Variants in FIG4 observed in about 807,000 individuals in gnomAD.
The protein encoded by FIG4 is FIG4 phosphoinositide 5-phosphatase.
FIG4 carries 112 observed loss-of-function variants against 118.6 expected under a neutral mutation model. The ratio of observed to expected loss-of-function variants is 0.94; its 90% CI spans 0.81 to 1.11. The LOEUF (loss-of-function observed/expected upper bound fraction) is 1.11, where lower values mean the gene tolerates loss of function less well. Among genes scored for constraint, FIG4 ranks in the 50% least tolerant of loss-of-function variants. FIG4 has a pLI of 0.00. For missense variants in FIG4, 969 were observed against 1,111.7 expected, an observed-to-expected ratio of 0.87 and a Z score of 1.83; for synonymous variants, 369 against 381.2, an observed-to-expected ratio of 0.97 and a Z score of 0.37.
Position 109,741,493 on chromosome 6 carries a change from A to G in FIG4, c.825A>G (p.Arg275=). 6.2e-7 allele frequency: 1 copy of G among 1,613,512 alleles called. No individual in the cohort carries two copies. The highest frequency in any genetic ancestry group is 8.5e-7 in the Non-Finnish European group (1 of 1,179,554). The change falls in exon 8 of 23, where the codon AGA becomes AGG. Residue 275 remains arginine, a synonymous_variant. Transcript: ENST00000230124. ...TGTATGTCACTCTAATAGCTAGAAG[A>G]TCCAGTAAATTTGCTGGCACCCGTT... The part of the protein sequence containing the change: ...RPVYVTLIAR[R]SSKFAGTRFL...
At chr6:109,743,571 A>G in intron 9 of FIG4, 104 bp from the exon 10 acceptor site, 1 of 841,328 alleles carries the variant, frequency 1.2e-6, no homozygotes, top group Admixed American at 1.9e-5. Context: ...GAAACTATTG[A>G]AAGATTAGTT....
In FIG4 at chr6:109,743,543, A is replaced by G. The variant is rs573760231; in HGVS notation, c.1040-132A>G. On this transcript the variant is annotated intron_variant, in intron 9 of 22. Coordinates refer to ENST00000230124, the MANE Select transcript of FIG4 (RefSeq NM_014845.6). ...TGAATAAGTGTCTAGTGAGCATCTT[A>G]AGAAGGATTTGGGAAGTGAAACTAT... The G allele has an allele frequency of 4.0e-6, 3 of 745,408 alleles. No individual in the cohort carries two copies. The South Asian group carries it at 4.4e-5, about 11-fold the overall frequency. 46.2% of individuals were successfully genotyped at this position (745,408 alleles called of 1,614,324 possible). A position where few individuals can be genotyped will look rare whatever the true frequency, so the allele number is the denominator to read the frequency against.
intron 10 of FIG4, among the ~76,000 whole-genome samples, chr6:109,749,691 A>G (rs918506244): frequency 2.6e-5 from 4 of 152,168 alleles, no homozygotes; most frequent in East Asian, 1.9e-4. Flanking sequence ...ATTCATGTCT[A>G]CAATGCTTGA....
rs1304533208 is a variant in FIG4 at position 109,738,868 on chromosome 6, G to A, written c.775+415G>A. 2.0e-5 allele frequency among the ~76,000 whole-genome samples: 3 copies of A among 152,134 alleles called. No individual in the cohort carries two copies. The East Asian group carries it at 5.8e-4, about 29-fold the overall frequency. On this transcript the variant is annotated intron_variant, in intron 7 of 22. Transcript: ENST00000230124. ...GAGATCACAGCCTGGGAAACACTGT[G>A]TGTGTAGAGGTGGAAAAACACATGG... is the stretch of plus-strand genomic sequence containing the variant.
intron 10 of FIG4, among the ~76,000 whole-genome samples, chr6:109,759,200 G>A (rs894319381): frequency 1.3e-5 from 2 of 152,002 alleles, no homozygotes; most frequent in Non-Finnish European, 2.9e-5. Context: ...CCAACCCAAC[G>A]GCCCATCAAT....
intron 10 of FIG4, among the ~76,000 whole-genome samples, chr6:109,743,989 A>G (rs1196098545): frequency 6.6e-6 from 1 of 152,092 alleles, no homozygotes; most frequent in Non-Finnish European, 1.5e-5. Flanking sequence ...AATGAGTAGT[A>G]TATATCTAAG....
In FIG4 at chr6:109,779,571, CTGTT is replaced by C. The variant is rs569052290; in HGVS notation, c.1889+2521_1889+2524del. ...CTCAGTTGATTTAGGTCTCCTTTTT[CTGTT>C]TGTTTGTTTTTCCTCTAGAATGTCA... On this transcript the variant is annotated intron_variant, in intron 16 of 22. Coordinates refer to ENST00000230124, the MANE Select transcript of FIG4 (RefSeq NM_014845.6). 1.2e-3 allele frequency among the ~76,000 whole-genome samples: 186 copies of C among 152,262 alleles called. 1 individual carries two copies. The highest frequency in any genetic ancestry group is 4.3e-3 in the African/African-American group (177 of 41,560).
intron 6 of FIG4, 93 bp from the exon 7 acceptor site, chr6:109,738,232 C>A: frequency 9.4e-7 from 1 of 1,066,596 alleles, no homozygotes. Flanking sequence ...TGAATGTCAG[C>A]CAATTTCCAT....
At chr6:109,706,690 C>A (rs949705578) in intron 1 of FIG4, among the ~76,000 whole-genome samples, 6 of 152,142 alleles carry the variant, frequency 3.9e-5, no homozygotes, top group Non-Finnish European at 7.4e-5. Flanking sequence ...CTTTTTTGTG[C>A]TGACTGCTGT....
At chr6:109,822,819 A>G (rs1004888350) in intron 22 of FIG4, among the ~76,000 whole-genome samples, 7 of 113,144 alleles carry the variant, frequency 6.2e-5, no homozygotes, top group African/African-American at 2.0e-4. Context: ...ATATATATAT[A>G]TATATATATC....
chr6:109,797,319 T>C (rs1343805976), intron 22 of FIG4, among the ~76,000 whole-genome samples: 1 of 152,222 alleles, frequency 6.6e-6, no homozygotes, highest in East Asian at 1.9e-4. Flanking sequence ...CCCAGTTTTT[T>C]ACCTTGAGCA....
chr6:109,725,234 C>T (rs1265465844), intron 3 of FIG4, among the ~76,000 whole-genome samples: 2 of 152,046 alleles, frequency 1.3e-5, no homozygotes, highest in Non-Finnish European at 2.9e-5. Context: ...AGGTATTTGT[C>T]CTAATGCTCT....
intron 1 of FIG4, among the ~76,000 whole-genome samples, chr6:109,698,787 AT>A (rs1219534275): frequency 5.3e-5 from 8 of 152,232 alleles, no homozygotes; most frequent in African/African-American, 1.7e-4. Context: ...GGCCAATTAC[AT>A]TAATTCATTT....
rs369270302 is a variant in FIG4 at position 109,793,071 on chromosome 6, G to A, written c.2459+407G>A. ...ACTTAAAATGCAGTTTCAGCATTGA[G>A]GCGGTCAAATTCTGAAACATTGATT... On this transcript the variant is annotated intron_variant, in intron 21 of 22. Coordinates refer to ENST00000230124, the MANE Select transcript of FIG4 (RefSeq NM_014845.6). 7.9e-5 allele frequency among the ~76,000 whole-genome samples: 12 copies of A among 152,316 alleles called. No homozygotes were observed. In the East Asian group the frequency reaches 2.3e-3, roughly 29 times the overall value.
chr6:109,803,881 T>C (rs1246979572), intron 22 of FIG4, among the ~76,000 whole-genome samples: 3 of 150,962 alleles, frequency 2.0e-5, no homozygotes, highest in East Asian at 2.0e-4. Flanking sequence ...TGATAGTTCA[T>C]GTCCTTTGTA....
intron 4 of FIG4, among the ~76,000 whole-genome samples, chr6:109,729,937 C>T (rs1054589442): frequency 3.3e-5 from 5 of 151,976 alleles, no homozygotes; most frequent in Non-Finnish European, 5.9e-5. Context: ...ATGGAAAAAA[C>T]TTCAAACATT....
chr6:109,779,700 T>A (rs553624058), intron 16 of FIG4, among the ~76,000 whole-genome samples: 3 of 152,288 alleles, frequency 2.0e-5, no homozygotes, highest in East Asian at 1.9e-4. Flanking sequence ...AGTGGGTTTT[T>A]AAAAAAACTT....
intron 18 of FIG4, among the ~76,000 whole-genome samples, chr6:109,787,273 T>G (rs1777997636): frequency 6.6e-6 from 1 of 152,196 alleles, no homozygotes; most frequent in Non-Finnish European, 1.5e-5. Context: ...AATTTAATTT[T>G]TTATATTTCA....
In FIG4 at chr6:109,792,654, A is replaced by T. The variant is rs781056036; in HGVS notation, c.2449A>T (p.Ile817Phe). 6.4e-7 allele frequency: 1 copy of T among 1,567,770 alleles called. No homozygotes were observed. The highest frequency in any genetic ancestry group is 8.8e-7 in the Non-Finnish European group (1 of 1,138,594). ...SDGLSEEDFS[I>F]YSRFVQLGQS... Reference sequence around the variant, plus strand: ...TGGCCTCTCAGAAGAAGATTTCTCCATTTATTCAAGGTGAGATACTTTCAT... The same window carrying T: ...TGGCCTCTCAGAAGAAGATTTCTCCTTTTATTCAAGGTGAGATACTTTCAT... The change falls in exon 21 of 23, where the codon ATT becomes TTT. Residue 817 changes from isoleucine to phenylalanine, a missense_variant. By Grantham distance (21) the Ile-to-Phe change is conservative. Coordinates refer to ENST00000230124, the MANE Select transcript of FIG4 (RefSeq NM_014845.6).
Sources: gnomAD v4.1 joint callset for allele counts (sites outside exome capture counted in the v4.1 genomes callset) on GRCh38, gnomAD v4.1.1 for gene constraint, MANE v1.5 for transcripts, NCBI Gene and HGNC (gene_info 2026-07-23, HGNC 2026-07-21) for gene names.